TNS1: variants seen among roughly 807,000 people sequenced by gnomAD.
TNS1 encodes the protein tensin-1.
In TNS1, 62 loss-of-function variants were observed where a neutral mutation model predicts 168.6. That is an observed-to-expected ratio of 0.37 (90% CI 0.30 to 0.45). TNS1 has a LOEUF of 0.45. TNS1 is among the 20% of genes least tolerant of loss of function. The pLI is 1.00. For missense variants in TNS1, 2,240 were observed against 2,339.4 expected (o/e 0.96, Z 0.88); for synonymous variants, 934 against 933.2 (o/e 1.00, Z -0.02).
Position 217,809,977 on chromosome 2 carries a change from A to G in TNS1, c.5119T>C (p.Phe1707Leu). 6.2e-7 allele frequency: 1 copy of G among 1,611,946 alleles called. No individual in the cohort carries two copies. Among genetic ancestry groups the G allele is most frequent in the Non-Finnish European group, 8.5e-7 (1 of 1,178,370 alleles). Residue 1707 changes from phenylalanine to leucine, a missense_variant, in exon 30 of 33, where the codon TTC becomes CTC. By Grantham distance (22) the Phe-to-Leu change is conservative. Around this residue, in one of 2 missense-constraint regions of TNS1, gnomAD observed 2,131 missense variants for 2,171.2 expected, o/e 0.98. Coordinates refer to ENST00000682258, the MANE Select transcript of TNS1 (RefSeq NM_001387777.1). ...LKQGAACNVL[F>L]VNSVDMESLT... is the part of the protein sequence containing the mutation. ...GACTCCATGTCCACAGAGTTGACGA[A>G]GAGCACATTGCAGGCTGGAAGAAAC...
At chr2:218,023,709 G>T (rs993424427) in intron 1 of TNS1, among the ~76,000 whole-genome samples, 1 of 152,186 alleles carries the variant, frequency 6.6e-6, no homozygotes, top group Non-Finnish European at 1.5e-5. Flanking sequence ...GGAAACGGAG[G>T]CTCACAGTAT....
rs1459317842 is a variant in TNS1 at position 218,032,451 on chromosome 2, G to C, written c.156+1369C>G. ...AATAGCGAGGCTGGGTGTGGACACA[G>C]GCAGCAGGAGCTCAGGCTGTGGTCA... is the stretch of plus-strand genomic sequence containing the variant. On this transcript the variant is annotated intron_variant, in intron 1 of 1. Transcript: ENST00000649572. This position sits in a 1 kb window ranked among gnomAD's most constrained non-coding sequence, Gnocchi z 4.0. Among the ~76,000 whole-genome samples, 1 of 152,162 alleles carries C rather than the reference G, an allele frequency of 6.6e-6. No individual in the cohort carries two copies. The highest frequency in any genetic ancestry group is 1.5e-5 in the Non-Finnish European group (1 of 68,024).
intron 3 of TNS1, among the ~76,000 whole-genome samples, chr2:217,932,253 A>T (rs757399992): frequency 2.6e-5 from 4 of 152,220 alleles, no homozygotes; most frequent in Non-Finnish European, 5.9e-5. Flanking sequence ...GAGGAGGGAT[A>T]GAAAAAAACC....
Position 217,849,085 on chromosome 2 carries a change from C to A in TNS1, c.1432G>T (p.Val478Leu). The stretch of plus-strand genomic sequence containing the variant: ...AGTGGCCCCTGCGTGTGTCCCACCA[C>A]CTCTGCAAGGGACAGAGCCGGAGGG... ...SGHRDDGMEE[V>L]VGHTQGPLDG... The change falls in exon 19 of 33, where the codon GTG becomes TTG. Residue 478 changes from valine to leucine, a missense_variant and splice_region_variant. By Grantham distance (32) the Val-to-Leu change is conservative. Coordinates refer to ENST00000682258, the MANE Select transcript of TNS1 (RefSeq NM_001387777.1). 2 of 1,609,458 alleles carry A rather than the reference C, an allele frequency of 1.2e-6. No individual in the cohort carries two copies. Among genetic ancestry groups the A allele is most frequent in the Non-Finnish European group, 1.7e-6 (2 of 1,177,374 alleles).
rs1045290076 is a variant in TNS1, at chr2:217,891,174, C to T, written c.783-129G>A. On this transcript the variant is annotated intron_variant, in intron 11 of 32. Transcript: ENST00000682258. ...GAGCACCTTTGTCCTGGAGGGAAGA[C>T]AAGCCTCTTCCCCCTGCCATCCTGT... 3 of 789,962 alleles carry T rather than the reference C, an allele frequency of 3.8e-6. No homozygotes were observed. In the African/African-American group the frequency reaches 5.2e-5, roughly 14 times the overall value. 48.9% of individuals were successfully genotyped at this position (789,962 alleles called of 1,614,324 possible). A position where few individuals can be genotyped will look rare whatever the true frequency, so the allele number is the denominator to read the frequency against.
chr2:217,957,967 T>A (rs80306247), intron 3 of TNS1, among the ~76,000 whole-genome samples: 17,243 of 149,082 alleles, frequency 0.12, 1,019 homozygotes, highest in Middle Eastern at 0.16. Flanking sequence ...TTCTTGGTAC[T>A]TCTGTATAGG....
rs994112220 is a variant in TNS1, at chr2:217,872,411, G to A, written c.1429+8487C>T. Among the ~76,000 whole-genome samples the A allele has an allele frequency of 5.9e-5, 9 of 152,214 alleles. No homozygotes were observed. The East Asian group carries it at 1.7e-3, about 29-fold the overall frequency. On this transcript the variant is annotated intron_variant, in intron 18 of 32. Transcript: ENST00000682258. ...AGGAAACAGAGGATGTGGATGGGCAGTTTTCTAAAGAAGATCCATAATGGC... is the reference window on the plus strand; with the variant it reads ...AGGAAACAGAGGATGTGGATGGGCAATTTTCTAAAGAAGATCCATAATGGC...
At chr2:218,031,597 G>A (rs1403493775) in intron 1 of TNS1, among the ~76,000 whole-genome samples, 7 of 152,078 alleles carry the variant, frequency 4.6e-5, no homozygotes, top group Non-Finnish European at 2.9e-5. Context: ...CCTAGCAAGA[G>A]CACCCATAGG....
At chr2:217,832,560 T>C (rs1002150542) in intron 21 of TNS1, among the ~76,000 whole-genome samples, 1 of 152,230 alleles carries the variant, frequency 6.6e-6, no homozygotes, top group Admixed American at 6.5e-5. Flanking sequence ...AGATTAGCTG[T>C]GGCCCTCAGA....
chr2:217,883,783 T>C (rs1024805818), intron 16 of TNS1, among the ~76,000 whole-genome samples: 2 of 152,212 alleles, frequency 1.3e-5, no homozygotes, highest in African/African-American at 4.8e-5. Flanking sequence ...GGAGAGCTCA[T>C]TAAAGAAACA....
intron 1 of TNS1, among the ~76,000 whole-genome samples, chr2:218,030,483 C>T (rs768608684): frequency 2.6e-5 from 4 of 152,218 alleles, no homozygotes; most frequent in Non-Finnish European, 4.4e-5. Flanking sequence ...GGCAAGGACC[C>T]GAGCTGTCTG....
At position 217,911,994 on chromosome 2, in the gene TNS1, G is replaced by A. The variant is rs533354756; in HGVS notation, c.229-4743C>T. On this transcript the variant is annotated intron_variant, in intron 4 of 32. Transcript: ENST00000682258. ...GAGAACTTCCTGAATTCGAGGGGTC[G>A]GGAACCACAGGGTGGATAAGGGAAG... Among the ~76,000 whole-genome samples, 7 of 152,340 alleles carry A rather than the reference G, an allele frequency of 4.6e-5. 1 individual carries two copies. The highest frequency in any genetic ancestry group is 9.6e-5 in the African/African-American group (4 of 41,584).
chr2:217,891,072 G>A (rs575460911), intron 11 of TNS1, 27 bp from the exon 12 acceptor site: 2 of 1,612,888 alleles, frequency 1.2e-6, no homozygotes, highest in African/African-American at 2.7e-5. Flanking sequence ...GTGGTCAAAA[G>A]AGGCAACTCC....
At chr2:217,844,976 G>T (rs77081285) in intron 19 of TNS1, among the ~76,000 whole-genome samples, 5,689 of 152,252 alleles carry the variant, frequency 0.037, 264 homozygotes, top group African/African-American at 0.11. Context: ...TCCTTATTTT[G>T]TCCCTGGCTC....
Position 217,860,361 on chromosome 2 carries a change from G to A in TNS1, c.1430-11274C>T, listed in dbSNP as rs367565751. Reference sequence around the variant, plus strand: ...CTGATGAGATAAAATGGGACAGCTCGGTGTCACAGACTTCAAAGAGACCAC... The same window carrying A: ...CTGATGAGATAAAATGGGACAGCTCAGTGTCACAGACTTCAAAGAGACCAC... On this transcript the variant is annotated intron_variant, in intron 18 of 32. Coordinates refer to ENST00000682258, the MANE Select transcript of TNS1 (RefSeq NM_001387777.1). Among the ~76,000 whole-genome samples the A allele has an allele frequency of 2.0e-4, 30 of 152,270 alleles. No homozygotes were observed. The South Asian group carries it at 2.3e-3, about 12-fold the overall frequency.
chr2:217,927,638 C>A (rs992697317), intron 3 of TNS1, among the ~76,000 whole-genome samples: 5 of 152,094 alleles, frequency 3.3e-5, no homozygotes, highest in Non-Finnish European at 5.9e-5. Flanking sequence ...AGACAAGAGG[C>A]CATCAGGCAC....
Position 217,804,566 on chromosome 2 carries a change from T to C in TNS1, c.5413A>G (p.Thr1805Ala), listed in dbSNP as rs770008237. The C allele has an allele frequency of 2.5e-6, 4 of 1,614,060 alleles. No individual in the cohort carries two copies. Among genetic ancestry groups the C allele is most frequent in the Non-Finnish European group, 3.4e-6 (4 of 1,179,982 alleles). Residue 1805 changes from threonine to alanine, a missense_variant, in exon 33 of 33, where the codon ACG (threonine) becomes GCG (alanine). Thr to Ala is a moderately conservative substitution (Grantham distance 58). Transcript: ENST00000682258. ...GFVARKQGST[T>A]DNACHLFAEL... ...GCAAAGAGGTGGCAGGCGTTGTCCG[T>C]GGTGCTGCCCTGCTTCCGGGCCACG...
chr2:217,905,804 C>G (rs999936360), intron 6 of TNS1, among the ~76,000 whole-genome samples: 1 of 152,230 alleles, frequency 6.6e-6, no homozygotes. Context: ...GGCATCCGCC[C>G]CTTCCCCTCT....
chr2:218,016,264 C>T (rs946094814), intron 1 of TNS1, among the ~76,000 whole-genome samples: 3 of 152,148 alleles, frequency 2.0e-5, no homozygotes, highest in Non-Finnish European at 4.4e-5. Context: ...GTTAAAGCTC[C>T]CAGTCCTGGG....
Sources: gnomAD v4.1 joint callset for allele counts (sites outside exome capture counted in the v4.1 genomes callset) on GRCh38, gnomAD v4.1.1 for gene constraint, gnomAD v4.1.1 regional missense constraint, Gnocchi (gnomAD v3.1) non-coding constraint, MANE v1.5 for transcripts, NCBI Gene and HGNC (gene_info 2026-07-23, HGNC 2026-07-21) for gene names.